GINS1: variants seen among roughly 807,000 people sequenced by gnomAD.
GINS1 encodes GINS complex subunit 1, also known as DNA replication complex GINS protein PSF1.
A neutral mutation model predicts 34.9 loss-of-function variants in GINS1; 26 were observed. The observed-to-expected ratio is 0.74, with a 90% CI of 0.55 to 1.03. The LOEUF (loss-of-function observed/expected upper bound fraction) is 1.03. Among genes scored for constraint, GINS1 ranks in the 50% least tolerant of loss-of-function variants. The pLI is 0.00. For synonymous variants in GINS1, 97 were observed against 84.4 expected (o/e 1.15, Z -0.82); for missense variants, 235 against 237.9 (o/e 0.99, Z 0.08).
rs1402142011 is a variant in GINS1, at chr20:25,447,488, T to C, written c.*1497T>C. 1 of 152,260 alleles carries C rather than the reference T, an allele frequency of 6.6e-6. No homozygotes were observed. Among genetic ancestry groups the C allele is most frequent in the Non-Finnish European group, 1.5e-5 (1 of 68,038 alleles). 9.4% of individuals were successfully genotyped at this position (152,260 alleles called of 1,614,324 possible). On this transcript the variant is annotated 3_prime_UTR_variant, in exon 7 of 7. Coordinates refer to ENST00000262460, the MANE Select transcript of GINS1 (RefSeq NM_021067.5). ...CCTTTGCATTTTTGTTAAAAAGTAG[T>C]TGTCAATGTATATGTGGGTTTATTT...
At chr20:25,408,973 T>C in intron 1 of GINS1, 1 of 984,366 alleles carries the variant, frequency 1.0e-6, no homozygotes, top group Non-Finnish European at 1.2e-6. Context: ...TAAGGAGGTA[T>C]AGCAAGGAGC....
At chr20:25,441,957 T>C (rs2090484243) in intron 6 of GINS1, among the ~76,000 whole-genome samples, 181 bp downstream of exon 6, 1 of 152,218 alleles carries the variant, frequency 6.6e-6, no homozygotes, top group South Asian at 2.1e-4. Context: ...AAATGTTGCA[T>C]ATAATAAAAG....
At chr20:25,421,591 T>C (rs2090355710) in intron 4 of GINS1, among the ~76,000 whole-genome samples, 1 of 152,214 alleles carries the variant, frequency 6.6e-6, no homozygotes, top group African/African-American at 2.4e-5. Flanking sequence ...TGTTTTTTGA[T>C]TTCCTAAGTT....
rs1481849340 is a variant in GINS1 at position 25,447,818 on chromosome 20, T to A, written c.*1827T>A. On this transcript the variant is annotated 3_prime_UTR_variant, in exon 7 of 7. Coordinates refer to ENST00000262460, the MANE Select transcript of GINS1 (RefSeq NM_021067.5). ...TGAGATTTGTTTTGGCTATGTTAAG[T>A]CCTTTGCTTTTGATGTGAAATTTGG... 1 of 152,228 alleles carries A rather than the reference T, an allele frequency of 6.6e-6. No homozygotes were observed. The highest frequency in any genetic ancestry group is 1.9e-4 in the East Asian group (1 of 5,190). The allele number at this position is 152,228 out of a possible 1,614,324, so 9.4% of individuals were successfully genotyped here.
chr20:25,435,185 A>C (rs538281914), intron 5 of GINS1, among the ~76,000 whole-genome samples: 12 of 152,308 alleles, frequency 7.9e-5, no homozygotes, highest in African/African-American at 2.6e-4. Flanking sequence ...TTCTTTTAGT[A>C]CTTTGAATAT....
In GINS1 at chr20:25,429,854, A is replaced by G. The variant is rs1368396940; in HGVS notation, c.447+4527A>G. On this transcript the variant is annotated intron_variant, in intron 5 of 6. Transcript: ENST00000262460. ...CTGTAACTCCAGTTTTATGTTGAAT[A>G]GAAGTGGCAAAAGCAGAAATCTTTT... 3.9e-5 allele frequency among the ~76,000 whole-genome samples: 6 copies of G among 152,218 alleles called. No individual in the cohort carries two copies. The East Asian group carries it at 1.2e-3, about 29-fold the overall frequency.
chr20:25,413,769 A>C, intron 1 of GINS1, 21 bp from the exon 2 acceptor site: 1 of 1,443,050 alleles, frequency 6.9e-7, no homozygotes, highest in Non-Finnish European at 9.8e-7. Flanking sequence ...GTGGATTTCA[A>C]TATCGGTTTA....
At position 25,447,494 on chromosome 20, in the gene GINS1, A is replaced by G. The variant is rs1033530656; in HGVS notation, c.*1503A>G. On this transcript the variant is annotated 3_prime_UTR_variant, in exon 7 of 7. Transcript: ENST00000262460. ...CATTTTTGTTAAAAAGTAGTTGTCAATGTATATGTGGGTTTATTTCAGGAC... is the reference window on the plus strand; with the variant it reads ...CATTTTTGTTAAAAAGTAGTTGTCAGTGTATATGTGGGTTTATTTCAGGAC... 9 of 152,300 alleles carry G rather than the reference A, an allele frequency of 5.9e-5. No individual in the cohort carries two copies. Among genetic ancestry groups the G allele is most frequent in the East Asian group, 1.9e-4 (1 of 5,188 alleles). 9.4% of individuals were successfully genotyped at this position (152,300 alleles called of 1,614,324 possible). A position where few individuals can be genotyped will look rare whatever the true frequency, so the allele number is the denominator to read the frequency against.
In GINS1 at chr20:25,435,651, G is replaced by A. The variant is rs554406220; in HGVS notation, c.448-6051G>A. On this transcript the variant is annotated intron_variant, in intron 5 of 6. Transcript: ENST00000262460. The stretch of plus-strand genomic sequence containing the variant: ...TGCACGCCTGTAATCCTAGCTACTC[G>A]GAAGGCTGAGGGAGGAGAATTGCGA... 4.0e-5 allele frequency among the ~76,000 whole-genome samples: 6 copies of A among 151,426 alleles called. No homozygotes were observed. The South Asian group carries it at 8.4e-4, about 21-fold the overall frequency.
At chr20:25,411,901 C>T (rs1336464897) in intron 1 of GINS1, among the ~76,000 whole-genome samples, 3 of 151,674 alleles carry the variant, frequency 2.0e-5, no homozygotes, top group Admixed American at 6.6e-5. Context: ...CAAGATTGCA[C>T]CATTGTACTC....
chr20:25,437,171 TA>T (rs1321681967), intron 5 of GINS1, among the ~76,000 whole-genome samples: 7 of 152,210 alleles, frequency 4.6e-5, no homozygotes, highest in Non-Finnish European at 1.0e-4. Context: ...GAAAAATGAA[TA>T]GAGGTGGGAA....
intron 5 of GINS1, among the ~76,000 whole-genome samples, chr20:25,430,120 C>A (rs1490930508): frequency 6.6e-6 from 1 of 152,204 alleles, no homozygotes; most frequent in Non-Finnish European, 1.5e-5. Context: ...ACCATAGAGG[C>A]CAGGCTGGTT....
At chr20:25,437,213 T>C (rs1204305674) in intron 5 of GINS1, among the ~76,000 whole-genome samples, 1 of 152,246 alleles carries the variant, frequency 6.6e-6, no homozygotes, top group African/African-American at 2.4e-5. Context: ...TCCCCTGGAA[T>C]TCACTTCAGT....
intron 1 of GINS1, among the ~76,000 whole-genome samples, chr20:25,412,812 A>C (rs2090294658): frequency 6.6e-6 from 1 of 152,212 alleles, no homozygotes; most frequent in South Asian, 2.1e-4. Flanking sequence ...TGTACCCACA[A>C]AAATAAAAAA....
intron 5 of GINS1, among the ~76,000 whole-genome samples, chr20:25,428,174 A>G (rs974914578): frequency 6.6e-6 from 1 of 150,422 alleles, no homozygotes; most frequent in Admixed American, 6.6e-5. Context: ...CACCCGGCCA[A>G]TTTTTTTTGT....
At chr20:25,424,879 A>G (rs1273951032) in intron 4 of GINS1, among the ~76,000 whole-genome samples, 1 of 152,198 alleles carries the variant, frequency 6.6e-6, no homozygotes, top group Non-Finnish European at 1.5e-5. Flanking sequence ...AGTTTTCAGA[A>G]ATAGCATCAA....
rs2090524441 is a variant in GINS1, at chr20:25,448,387, T to C, written c.*2396T>C. 6.6e-6 allele frequency: 1 copy of C among 152,252 alleles called. No individual in the cohort carries two copies. The highest frequency in any genetic ancestry group is 2.4e-5 in the African/African-American group (1 of 41,464). The allele number at this position is 152,252 out of a possible 1,614,324, so 9.4% of individuals were successfully genotyped here. A position where few individuals can be genotyped will look rare whatever the true frequency, so the allele number is the denominator to read the frequency against. On this transcript the variant is annotated 3_prime_UTR_variant, in exon 7 of 7. Transcript: ENST00000262460. ...TGTCAGCATTTCATAGTTTTGATGC[T>C]AAATGGTATTTTAAAATTTCAAATT...
chr20:25,434,557 C>T (rs1333425986), intron 5 of GINS1, among the ~76,000 whole-genome samples: 1 of 152,132 alleles, frequency 6.6e-6, no homozygotes, highest in Non-Finnish European at 1.5e-5. Context: ...AATCAATCTC[C>T]TGCCTCGGCC....
chr20:25,428,808 C>T (rs1377974749), intron 5 of GINS1, among the ~76,000 whole-genome samples: 2 of 151,964 alleles, frequency 1.3e-5, no homozygotes, highest in African/African-American at 4.8e-5. Context: ...TATTTTTTAT[C>T]TCTTTATCCT....
Sources: allele counts gnomAD v4.1 joint callset (sites outside exome capture counted in the v4.1 genomes callset), GRCh38; gene constraint gnomAD v4.1.1; transcripts MANE v1.5; gene names NCBI Gene and HGNC (gene_info 2026-07-23, HGNC 2026-07-21).